HCN2: variants seen among roughly 807,000 people sequenced by gnomAD.
HCN2 encodes the protein hyperpolarization activated cyclic nucleotide gated potassium and sodium channel 2.
A neutral mutation model predicts 52.3 loss-of-function variants in HCN2; 20 were observed. The observed-to-expected ratio is 0.38, with a 90% CI of 0.27 to 0.56. HCN2 has a LOEUF of 0.56. Among genes scored for constraint, HCN2 ranks in the 20% least tolerant of loss-of-function variants. HCN2 has a pLI of 0.71. For missense variants in HCN2, 981 were observed against 1,207.7 expected, an observed-to-expected ratio of 0.81 and a Z score of 2.78; for synonymous variants, 694 against 537.0, an observed-to-expected ratio of 1.29 and a Z score of -4.04.
chr19:594,385 G>A (rs1020305141), intron 1 of HCN2, among the ~76,000 whole-genome samples: 25 of 152,258 alleles, frequency 1.6e-4, no homozygotes, highest in Non-Finnish European at 3.4e-4. Context: ...CCCTGTGGCC[G>A]CCCTGCCGTC....
In HCN2 at chr19:609,484, G is replaced by A. The variant is rs182991901; in HGVS notation, c.1438-775G>A. ...TTGCTAGATAAAGTTCAGGGCACCC[G>A]GCCTGGTGCAGTGGCTCCTGCCTGT... On this transcript the variant is annotated intron_variant, in intron 4 of 7. Transcript: ENST00000251287. 4.6e-5 allele frequency among the ~76,000 whole-genome samples: 7 copies of A among 152,358 alleles called. No individual in the cohort carries two copies. In the East Asian group the frequency reaches 1.3e-3, roughly 29 times the overall value.
chr19:607,526 C>T (rs1323212001), intron 3 of HCN2, among the ~76,000 whole-genome samples: 3 of 152,356 alleles, frequency 2.0e-5, no homozygotes, highest in African/African-American at 2.4e-5. Flanking sequence ...AACAGAGCCC[C>T]GCGGCTCCCC....
Position 592,268 on chromosome 19 carries a change from C to A in HCN2, c.632+1691C>A, listed in dbSNP as rs1284590577. 6.6e-6 allele frequency among the ~76,000 whole-genome samples: 1 copy of A among 152,174 alleles called. No homozygotes were observed. Among genetic ancestry groups the A allele is most frequent in the African/African-American group, 2.4e-5 (1 of 41,436 alleles). On this transcript the variant is annotated intron_variant, in intron 1 of 7. Transcript: ENST00000251287. The surrounding 1 kb of genome is among the most constrained non-coding windows in gnomAD (Gnocchi z 4.8). ...TGACCTTCGACAGAGATGGGTGCAC[C>A]GCAGCGTGGGGGCTGGCAGGTGGAG...
intron 5 of HCN2, among the ~76,000 whole-genome samples, chr19:611,960 A>G (rs1005098056): frequency 5.9e-5 from 9 of 152,174 alleles, no homozygotes; most frequent in East Asian, 1.9e-4. Flanking sequence ...AGCCTGGCCA[A>G]CATGGTGAAG....
At chr19:600,241 C>CG (rs201808743) in intron 1 of HCN2, among the ~76,000 whole-genome samples, 332 of 152,274 alleles carry the variant, frequency 2.2e-3, no homozygotes, top group African/African-American at 7.6e-3. Context: ...GGCACGATCT[C>CG]GGCTCACTGC....
intron 3 of HCN2, among the ~76,000 whole-genome samples, chr19:607,166 C>T (rs939846199): frequency 2.6e-5 from 4 of 152,168 alleles, no homozygotes; most frequent in Non-Finnish European, 5.9e-5. Flanking sequence ...AGCGAAACTC[C>T]GTCAAAAAAG....
rs1187272758 is a variant in HCN2, at chr19:608,388, G to A, written c.1437+206G>A. On this transcript the variant is annotated intron_variant, in intron 4 of 7. Transcript: ENST00000251287. ...GGGGTCTGAGGGGAGGGGCGGGCCC[G>A]GCCCCGGGGTCTGAGGGGAGAGGCA... 5.4e-5 allele frequency among the ~76,000 whole-genome samples: 7 copies of A among 128,650 alleles called. No individual in the cohort carries two copies. The East Asian group carries it at 6.4e-4, about 12-fold the overall frequency. The allele number at this position is 128,650 out of a possible 152,430, so 84.4% of individuals were successfully genotyped here. A position where few individuals can be genotyped will look rare whatever the true frequency, so the allele number is the denominator to read the frequency against.
In HCN2 at chr19:617,059, G is replaced by A. The variant is rs1424434871; in HGVS notation, c.*585G>A. The A allele has an allele frequency of 5.3e-6, 3 of 569,102 alleles. No individual in the cohort carries two copies. Among genetic ancestry groups the A allele is most frequent in the East Asian group, 2.9e-5 (1 of 33,938 alleles). The allele number at this position is 569,102 out of a possible 1,614,324, so 35.3% of individuals were successfully genotyped here. On this transcript the variant is annotated 3_prime_UTR_variant, in exon 8 of 8. Transcript: ENST00000251287. ...CTGGGGTCCCGCCGCCGTGATGAATGTACTGACGAGCCGAGGCAGCAGTGC... is the reference window on the plus strand; with the variant it reads ...CTGGGGTCCCGCCGCCGTGATGAATATACTGACGAGCCGAGGCAGCAGTGC...
At chr19:614,417 T>C (rs1983810246) in intron 7 of HCN2, among the ~76,000 whole-genome samples, 1 of 152,096 alleles carries the variant, frequency 6.6e-6, no homozygotes, top group Non-Finnish European at 1.5e-5. Flanking sequence ...GGGAGGCTTA[T>C]GGACTGGTGA....
In HCN2 at chr19:590,731, C is replaced by CT; in HGVS notation, c.632+154_632+155insT. On this transcript the variant is annotated intron_variant, in intron 1 of 7. Coordinates refer to ENST00000251287, the MANE Select transcript of HCN2 (RefSeq NM_001194.4). This position sits in a 1 kb window ranked among gnomAD's most constrained non-coding sequence, Gnocchi z 7.2. Reference sequence around the variant, plus strand: ...ACCTCGGGCGTGTCCGGGACCCGCCCCGGAGTGACCCCGGCGCGCGAGGCT... The same window carrying CT: ...ACCTCGGGCGTGTCCGGGACCCGCCCTCGGAGTGACCCCGGCGCGCGAGGCT... 1 of 461,328 alleles carries CT rather than the reference C, an allele frequency of 2.2e-6. No homozygotes were observed. Among genetic ancestry groups the CT allele is most frequent in the Non-Finnish European group, 3.3e-6 (1 of 300,890 alleles). 28.6% of individuals were successfully genotyped at this position (461,328 alleles called of 1,614,324 possible). A position where few individuals can be genotyped will look rare whatever the true frequency, so the allele number is the denominator to read the frequency against.
chr19:615,880 G>A lies in HCN2; in HGVS notation c.2076G>A (p.Gln692=). ...ACAACCAGGAGAACGCCATCATCCA[G>A]GAGATCGTCAAGTACGACCGCGAGA... The part of the protein sequence containing the change: ...VFNNQENAII[Q]EIVKYDREMV... The change falls in exon 8 of 8, where the codon CAG becomes CAA. Residue 692 remains glutamine (Q), a synonymous_variant. Transcript: ENST00000251287. The A allele has an allele frequency of 1.2e-6, 2 of 1,613,028 alleles. No homozygotes were observed. Among genetic ancestry groups the A allele is most frequent in the South Asian group, 1.1e-5 (1 of 91,056 alleles).
intron 1 of HCN2, among the ~76,000 whole-genome samples, chr19:599,473 G>T (rs1407887542): frequency 6.6e-6 from 1 of 152,152 alleles, no homozygotes; most frequent in Non-Finnish European, 1.5e-5. Context: ...GCTGGGCCTG[G>T]GGTGGGGATA....
intron 2 of HCN2, 127 bp downstream of exon 2, chr19:604,094 CTA>C: frequency 1.5e-6 from 1 of 658,508 alleles, no homozygotes; most frequent in East Asian, 3.1e-5. Context: ...AGGGGTGGGG[CTA>C]TGAGAGATCT....
rs757974536 is a variant in HCN2 at position 613,931 on chromosome 19, G to T, written c.1905G>T (p.Val635=). The T allele has an allele frequency of 1.9e-6, 3 of 1,580,556 alleles. No homozygotes were observed. The highest frequency in any genetic ancestry group is 2.6e-6 in the Non-Finnish European group (3 of 1,163,868). The change falls in exon 7 of 8, where the codon GTG becomes GTT. Residue 635 remains valine (V), a synonymous_variant. Coordinates refer to ENST00000251287, the MANE Select transcript of HCN2 (RefSeq NM_001194.4). ...DTYCRLYSLS[V]DNFNEVLEEY... Reference sequence around the variant, plus strand: ...ACTGCCGCCTCTATTCGCTGAGCGTGGACAACTTCAACGAGGTGCTGGAGG... The same window carrying T: ...ACTGCCGCCTCTATTCGCTGAGCGTTGACAACTTCAACGAGGTGCTGGAGG...
rs1307934151 is a variant in HCN2, at chr19:614,395, C to G, written c.1990+379C>G. Among the ~76,000 whole-genome samples, 8 of 152,278 alleles carry G rather than the reference C, an allele frequency of 5.3e-5. No homozygotes were observed. In the East Asian group the frequency reaches 1.5e-3, roughly 29 times the overall value. On this transcript the variant is annotated intron_variant, in intron 7 of 7. Coordinates refer to ENST00000251287, the MANE Select transcript of HCN2 (RefSeq NM_001194.4). ...TGCAGGGGACAGACCCGGGGGCCCA[C>G]TCAGACTCCCAGGGAGGCTTATGGA...
intron 2 of HCN2, among the ~76,000 whole-genome samples, chr19:604,189 GAGT>G (rs1983320740): frequency 1.9e-5 from 1 of 51,390 alleles, no homozygotes; most frequent in Admixed American, 2.0e-4. Context: ...TGAGAGATCT[GAGT>G]GGGGTCAAGG....
chr19:608,300 T>C, intron 4 of HCN2, 118 bp downstream of exon 4: 1 of 913,910 alleles, frequency 1.1e-6, no homozygotes, highest in Non-Finnish European at 1.7e-6. Context: ...GGCCCGGTCC[T>C]GGGGTCTGAG....
In HCN2 at chr19:616,568, C is replaced by G; in HGVS notation, c.*94C>G. On this transcript the variant is annotated 3_prime_UTR_variant, in exon 8 of 8. Transcript: ENST00000251287. ...CATTGCGCTGCCCCGGCCGCCAGTC[C>G]GCCCAGAAGCCATAGACGAGACGTA... 1 of 750,608 alleles carries G rather than the reference C, an allele frequency of 1.3e-6. No individual in the cohort carries two copies. Among genetic ancestry groups the G allele is most frequent in the Non-Finnish European group, 1.7e-6 (1 of 580,268 alleles). 46.5% of individuals were successfully genotyped at this position (750,608 alleles called of 1,614,324 possible).
intron 4 of HCN2, 65 bp downstream of exon 4, chr19:608,247 A>C: frequency 6.9e-7 from 1 of 1,452,724 alleles, no homozygotes. Context: ...CTGGGGTCTG[A>C]GAGAGAGTCA....
Sources: gnomAD v4.1 joint callset for allele counts (sites outside exome capture counted in the v4.1 genomes callset) on GRCh38, gnomAD v4.1.1 for gene constraint, Gnocchi (gnomAD v3.1) non-coding constraint, MANE v1.5 for transcripts, NCBI Gene and HGNC (gene_info 2026-07-23, HGNC 2026-07-21) for gene names.